Variants in ATP8A2 observed in about 807,000 individuals in gnomAD.
ATP8A2 encodes phospholipid-transporting ATPase IB.
A neutral mutation model predicts 165.6 loss-of-function variants in ATP8A2; 100 were observed. That is an observed-to-expected ratio of 0.60 (90% CI 0.51 to 0.71). ATP8A2 has a LOEUF of 0.71. Among genes scored for constraint, ATP8A2 ranks in the 30% least tolerant of loss-of-function variants. The pLI is 0.00. For missense variants in ATP8A2, 1,227 were observed against 1,479.5 expected (o/e 0.83, Z 2.80); for synonymous variants, 543 against 548.8 (o/e 0.99, Z 0.15).
intron 27 of ATP8A2, among the ~76,000 whole-genome samples, chr13:25,797,902 C>T (rs116922933): frequency 0.022 from 3,306 of 152,004 alleles, 65 homozygotes; most frequent in Non-Finnish European, 0.031. Context: ...CAGTTGATTC[C>T]GTTTGGACTG....
intron 1 of ATP8A2, among the ~76,000 whole-genome samples, chr13:25,440,087 C>A (rs1024068867): frequency 1.3e-5 from 2 of 151,836 alleles, no homozygotes; most frequent in African/African-American, 4.8e-5. Flanking sequence ...GGAGGGGGTG[C>A]TAGTGTTGGC....
intron 27 of ATP8A2, among the ~76,000 whole-genome samples, chr13:25,806,570 C>A (rs1950744872): frequency 6.6e-6 from 1 of 151,934 alleles, no homozygotes; most frequent in South Asian, 2.1e-4. Flanking sequence ...TAACATAAAG[C>A]AAGTGGCCAA....
intron 1 of ATP8A2, among the ~76,000 whole-genome samples, chr13:25,420,789 C>T (rs967829878): frequency 1.3e-5 from 2 of 152,204 alleles, no homozygotes; most frequent in Non-Finnish European, 2.9e-5. Context: ...TGGTAGGAAT[C>T]GATATCCATG....
chr13:25,642,765 T>C (rs577378840), intron 24 of ATP8A2, among the ~76,000 whole-genome samples: 2 of 152,334 alleles, frequency 1.3e-5, no homozygotes, highest in Admixed American at 1.3e-4. Context: ...CATGCACACG[T>C]ATGTTTATTG....
intron 4 of ATP8A2, among the ~76,000 whole-genome samples, chr13:25,531,253 GATATATATGAT>G (rs1285612016): frequency 3.2e-4 from 6 of 18,880 alleles, no homozygotes; most frequent in South Asian, 5.2e-3. Flanking sequence ...TGTTATATAT[GATATATATGAT>G]ATATATGATA....
intron 24 of ATP8A2, among the ~76,000 whole-genome samples, chr13:25,664,042 C>G (rs1245640930): frequency 6.6e-6 from 1 of 151,780 alleles, no homozygotes; most frequent in African/African-American, 2.4e-5. Flanking sequence ...AACCCCGTCT[C>G]TACAAAAAAT....
chr13:25,539,010 A>G (rs1290406703), intron 7 of ATP8A2, among the ~76,000 whole-genome samples: 2 of 151,838 alleles, frequency 1.3e-5, no homozygotes, highest in African/African-American at 4.8e-5. Flanking sequence ...TGATCACTTG[A>G]TAGTTCGGGC....
rs542257514 is a variant in ATP8A2 at position 25,648,910 on chromosome 13, A to G, written c.2212-50263A>G. On this transcript the variant is annotated intron_variant, in intron 24 of 36. Coordinates refer to ENST00000381655, the MANE Select transcript of ATP8A2 (RefSeq NM_016529.6). ...ATCCACAGATGTGGAACCCATGAAT[A>G]TGGCGGGCTGACTATTATGACTGTA... 40 of 408,800 alleles carry G rather than the reference A, an allele frequency of 9.8e-5. No homozygotes were observed. In the East Asian group the frequency reaches 2.7e-3, roughly 27 times the overall value. 25.3% of individuals were successfully genotyped at this position (408,800 alleles called of 1,614,324 possible). A position where few individuals can be genotyped will look rare whatever the true frequency, so the allele number is the denominator to read the frequency against.
chr13:25,637,966 C>A (rs565867366), intron 24 of ATP8A2, among the ~76,000 whole-genome samples: 1 of 152,332 alleles, frequency 6.6e-6, no homozygotes, highest in South Asian at 2.1e-4. Context: ...CACTGTTCTA[C>A]AGCCTCTGCT....
intron 30 of ATP8A2, among the ~76,000 whole-genome samples, chr13:25,848,008 C>T (rs1016892626): frequency 6.6e-6 from 1 of 152,210 alleles, no homozygotes; most frequent in African/African-American, 2.4e-5. Context: ...TCCTAAGTGT[C>T]CTCAGTCAGC....
intron 1 of ATP8A2, among the ~76,000 whole-genome samples, chr13:25,466,575 TC>T (rs1320198863): frequency 6.6e-6 from 1 of 152,198 alleles, no homozygotes; most frequent in African/African-American, 2.4e-5. Flanking sequence ...AACCTGATCT[TC>T]TGTTTTTGTG....
chr13:25,841,316 T>C (rs1442450708), intron 30 of ATP8A2, among the ~76,000 whole-genome samples: 1 of 152,224 alleles, frequency 6.6e-6, no homozygotes, highest in Non-Finnish European at 1.5e-5. Context: ...TTTGGCAAAT[T>C]ACCTGGCAGG....
At chr13:25,889,245 C>CTCATATATATATATATATATAT (rs1385731913) in intron 33 of ATP8A2, among the ~76,000 whole-genome samples, 2 of 109,972 alleles carry the variant, frequency 1.8e-5, no homozygotes, top group Non-Finnish European at 3.4e-5. Context: ...CATCCTTTGT[C>CTCATATATATATATATATATAT]ATATATATAT....
At chr13:25,436,238 C>G (rs1160641032) in intron 1 of ATP8A2, among the ~76,000 whole-genome samples, 1 of 151,942 alleles carries the variant, frequency 6.6e-6, no homozygotes, top group Non-Finnish European at 1.5e-5. Flanking sequence ...AGCACAGCAC[C>G]CAGTAGGCAG....
chr13:25,832,217 C>T (rs1243260551), intron 28 of ATP8A2, among the ~76,000 whole-genome samples: 7 of 152,102 alleles, frequency 4.6e-5, no homozygotes, highest in African/African-American at 1.7e-4. Context: ...GAATTACAGG[C>T]GTGAGCCACT....
At chr13:25,767,452 A>G (rs972919483) in intron 25 of ATP8A2, among the ~76,000 whole-genome samples, 3 of 152,230 alleles carry the variant, frequency 2.0e-5, no homozygotes, top group South Asian at 4.1e-4. Flanking sequence ...CTATTAAATA[A>G]TGGTTGAAGA....
chr13:25,632,215 C>A (rs1348971863), intron 24 of ATP8A2, among the ~76,000 whole-genome samples: 1 of 151,540 alleles, frequency 6.6e-6, no homozygotes, highest in African/African-American at 2.4e-5. Context: ...GTTCAGCAAC[C>A]TGAAAGCTCC....
intron 24 of ATP8A2, among the ~76,000 whole-genome samples, chr13:25,621,069 T>C (rs867557819): frequency 1.3e-5 from 2 of 152,274 alleles, no homozygotes; most frequent in Middle Eastern, 3.4e-3. Context: ...ATCACTCCCA[T>C]GCTGTTGGAT....
intron 33 of ATP8A2, among the ~76,000 whole-genome samples, chr13:25,933,122 A>G (rs1264472415): frequency 6.6e-6 from 1 of 152,202 alleles, no homozygotes; most frequent in African/African-American, 2.4e-5. Context: ...TAATCCCCAA[A>G]GGGATTACAG....
Sources: allele counts gnomAD v4.1 joint callset (sites outside exome capture counted in the v4.1 genomes callset), GRCh38; gene constraint gnomAD v4.1.1; transcripts MANE v1.5; gene names NCBI Gene and HGNC (gene_info 2026-07-23, HGNC 2026-07-21).